ROBO1: variants seen among roughly 807,000 people sequenced by gnomAD.
ROBO1 encodes the protein roundabout guidance receptor 1.
A neutral mutation model predicts 195.9 loss-of-function variants in ROBO1; 149 were observed. That is an observed-to-expected ratio of 0.76 (90% CI 0.67 to 0.87). The LOEUF (loss-of-function observed/expected upper bound fraction) is 0.87. Among genes scored for constraint, ROBO1 ranks in the 40% least tolerant of loss-of-function variants. The pLI is 0.00. For missense variants in ROBO1, 1,933 were observed against 2,068.3 expected (o/e 0.93, Z 1.27); for synonymous variants, 816 against 733.2 (o/e 1.11, Z -1.82).
chr3:79,505,618 C>T (rs1940349335), intron 2 of ROBO1, among the ~76,000 whole-genome samples: 1 of 152,116 alleles, frequency 6.6e-6, no homozygotes, highest in Admixed American at 6.5e-5. Context: ...GGAAAGCTTA[C>T]AATACTTTGC....
chr3:78,770,962 G>A (rs942099829), intron 4 of ROBO1, among the ~76,000 whole-genome samples: 15 of 152,024 alleles, frequency 9.9e-5, no homozygotes, highest in Non-Finnish European at 4.4e-5. Context: ...AGCTACTCGG[G>A]ATGCTGAGGT....
intron 2 of ROBO1, among the ~76,000 whole-genome samples, chr3:79,538,222 A>G (rs1941945076): frequency 6.6e-6 from 1 of 152,178 alleles, no homozygotes; most frequent in African/African-American, 2.4e-5. Flanking sequence ...GTGTCTGAAG[A>G]GTTAATACAG....
At chr3:79,614,695 G>T (rs1051646000) in intron 1 of ROBO1, among the ~76,000 whole-genome samples, 24 of 151,844 alleles carry the variant, frequency 1.6e-4, no homozygotes, top group African/African-American at 5.6e-4. Flanking sequence ...ATACTGATGA[G>T]AAAAATGAAA....
chr3:78,728,927 AC>A (rs2082224817), intron 5 of ROBO1, among the ~76,000 whole-genome samples: 1 of 152,214 alleles, frequency 6.6e-6, no homozygotes, highest in Non-Finnish European at 1.5e-5. Context: ...CCATTTGAAA[AC>A]CAACATGAAT....
intron 1 of ROBO1, among the ~76,000 whole-genome samples, chr3:79,757,034 T>C (rs1442906300): frequency 7.9e-5 from 12 of 152,306 alleles, no homozygotes; most frequent in Middle Eastern, 3.4e-3. Flanking sequence ...TTGTACATAA[T>C]AGATCATTGT....
At chr3:79,395,912 T>C (rs2037137954) in intron 2 of ROBO1, among the ~76,000 whole-genome samples, 1 of 152,048 alleles carries the variant, frequency 6.6e-6, no homozygotes, top group Non-Finnish European at 1.5e-5. Flanking sequence ...AGTCTACACA[T>C]GACTTTGCAT....
In ROBO1 at chr3:78,669,991, A is replaced by T. The variant is rs1707969120; in HGVS notation, c.1548+105T>A. 3.9e-6 allele frequency: 3 copies of T among 776,516 alleles called. No homozygotes were observed. In the East Asian group the frequency reaches 8.2e-5, roughly 21 times the overall value. 48.1% of individuals were successfully genotyped at this position (776,516 alleles called of 1,614,324 possible). On this transcript the variant is annotated intron_variant, in intron 11 of 30. Transcript: ENST00000464233. ...AATTAAAAATATATTACTACTCTTC[A>T]TTTAACACTTCATTAATTGCAAAGT...
intron 1 of ROBO1, among the ~76,000 whole-genome samples, chr3:79,764,392 GT>G (rs1559565701): frequency 6.6e-6 from 1 of 152,314 alleles, no homozygotes; most frequent in East Asian, 1.9e-4. Context: ...ATGCTATCAT[GT>G]TTTTGTCTGT....
At chr3:79,008,888 C>CGTGTGTGTGTGTGT (rs375134341) in intron 3 of ROBO1, among the ~76,000 whole-genome samples, 113 of 121,268 alleles carry the variant, frequency 9.3e-4, no homozygotes, top group East Asian at 2.5e-3. Flanking sequence ...TGCACCCAGC[C>CGTGTGTGTGTGTGT]GTGTGTGTGT....
At chr3:78,851,601 A>T (rs547265878) in intron 4 of ROBO1, among the ~76,000 whole-genome samples, 1 of 152,334 alleles carries the variant, frequency 6.6e-6, no homozygotes, top group Non-Finnish European at 1.5e-5. Flanking sequence ...TATGGTTAAT[A>T]ATTCTCACAG....
At chr3:79,665,155 G>A (rs532695492) in intron 1 of ROBO1, among the ~76,000 whole-genome samples, 7 of 151,726 alleles carry the variant, frequency 4.6e-5, no homozygotes, top group African/African-American at 1.7e-4. Context: ...ACACATCAGA[G>A]GACTATTTAT....
At chr3:79,189,585 TC>T (rs1454037026) in intron 2 of ROBO1, among the ~76,000 whole-genome samples, 7 of 151,700 alleles carry the variant, frequency 4.6e-5, no homozygotes, top group Non-Finnish European at 5.9e-5. Flanking sequence ...TTACCCATAT[TC>T]CCAAAAAAGA....
At chr3:78,612,225 G>A (rs1363758227) in intron 28 of ROBO1, among the ~76,000 whole-genome samples, 1 of 151,946 alleles carries the variant, frequency 6.6e-6, no homozygotes, top group Admixed American at 6.6e-5. Flanking sequence ...TAAATGTATT[G>A]ACAATAATCA....
intron 4 of ROBO1, among the ~76,000 whole-genome samples, chr3:78,773,016 T>C (rs1459513763): frequency 6.6e-6 from 1 of 152,084 alleles, no homozygotes; most frequent in East Asian, 1.9e-4. Flanking sequence ...TAGTACCACA[T>C]AATAATATTC....
chr3:78,699,121 A>T (rs1292192233), intron 8 of ROBO1, among the ~76,000 whole-genome samples: 1 of 152,084 alleles, frequency 6.6e-6, no homozygotes, highest in Non-Finnish European at 1.5e-5. Context: ...TACTGTAACC[A>T]TTTATCCATT....
intron 1 of ROBO1, among the ~76,000 whole-genome samples, chr3:79,745,487 T>C (rs772204874): frequency 4.6e-5 from 7 of 152,214 alleles, no homozygotes; most frequent in Non-Finnish European, 7.3e-5. Context: ...CTCATTCACA[T>C]TTAACAGAAT....
chr3:79,700,289 GTGTGTGTGTGTGTT>G (rs1357656126), intron 1 of ROBO1, among the ~76,000 whole-genome samples: 14 of 24,284 alleles, frequency 5.8e-4, no homozygotes, highest in Non-Finnish European at 1.3e-3. Flanking sequence ...TGATGAACAC[GTGTGTGTGTGTGTT>G]TGTGTGTGTG....
At chr3:78,883,715 T>C (rs1334924678) in intron 4 of ROBO1, among the ~76,000 whole-genome samples, 1 of 152,164 alleles carries the variant, frequency 6.6e-6, no homozygotes, top group Non-Finnish European at 1.5e-5. Flanking sequence ...TAATTTACTA[T>C]ATAGTATATT....
chr3:79,748,843 C>T, intron 1 of ROBO1, among the ~76,000 whole-genome samples: 1 of 152,294 alleles, frequency 6.6e-6, no homozygotes, highest in East Asian at 1.9e-4. Context: ...CCACATGGAA[C>T]TGTAAGTCCA....
Sources: allele counts gnomAD v4.1 joint callset (sites outside exome capture counted in the v4.1 genomes callset), GRCh38; gene constraint gnomAD v4.1.1; transcripts MANE v1.5; gene names NCBI Gene and HGNC (gene_info 2026-07-23, HGNC 2026-07-21).